Variants in VMA22 observed in about 807,000 individuals in gnomAD.
The protein encoded by VMA22 is vacuolar ATPase assembly protein VMA22.
At chr2:130,341,352 A>G in the VMA22 span, 4 of 537,726 alleles carry the variant, frequency 7.4e-6, no homozygotes, top group Admixed American at 1.4e-4. Flanking sequence ...CCAACTCCCC[A>G]TTCTTTGTCT....
At chr2:130,339,687 T>G in the VMA22 span, 3 of 1,304,494 alleles carry the variant, frequency 2.3e-6, no homozygotes, top group Admixed American at 2.3e-5. Flanking sequence ...TTCGGCCTCC[T>G]GTTCAGCAGC....
chr2:130,339,682 C>T, the VMA22 span: 7 of 1,304,394 alleles, frequency 5.4e-6, no homozygotes, highest in African/African-American at 9.1e-5. Context: ...TCGTCTTCGG[C>T]CTCCTGTTCA....
At chr2:130,342,035 A>C in the VMA22 span, 1 of 1,613,800 alleles carries the variant, frequency 6.2e-7, no homozygotes, top group Non-Finnish European at 8.5e-7. Context: ...CGGGCGTTCA[A>C]CACCGTTCGT....
chr2:130,339,918 C>CATAGCACTGGTGTT, the VMA22 span: 3 of 981,612 alleles, frequency 3.1e-6, no homozygotes, highest in Non-Finnish European at 4.0e-6. Flanking sequence ...AACACCAGTG[C>CATAGCACTGGTGTT]TATGCAGTGG....
chr2:130,339,825 C>T, the VMA22 span: 1 of 1,289,312 alleles, frequency 7.8e-7, no homozygotes, highest in South Asian at 1.3e-5. Flanking sequence ...CCCTCACCTC[C>T]CGTCCATACT....
the VMA22 span, chr2:130,338,454 C>T: frequency 6.6e-6 from 1 of 152,110 alleles, no homozygotes; most frequent in African/African-American, 2.4e-5. Context: ...GATCAACAAC[C>T]CAGTAGAAAA....
chr2:130,339,281 G>A, the VMA22 span: 9 of 1,502,332 alleles, frequency 6.0e-6, no homozygotes, highest in Admixed American at 1.8e-5. Flanking sequence ...TGTAACACAC[G>A]ACCCAGGAGG....
At chr2:130,342,177 T>C in the VMA22 span, 1 of 1,600,502 alleles carries the variant, frequency 6.2e-7, no homozygotes, top group Admixed American at 1.7e-5. Context: ...CCTCCGCAGT[T>C]TGGCAGGACA....
At chr2:130,340,241 C>T in the VMA22 span, 3 of 165,054 alleles carry the variant, frequency 1.8e-5, no homozygotes, top group South Asian at 1.5e-4. Flanking sequence ...CCTCCAGTGA[C>T]GCTATCTGCT....
chr2:130,341,148 G>C, the VMA22 span: 3 of 1,352,406 alleles, frequency 2.2e-6, no homozygotes, highest in Non-Finnish European at 2.0e-6. Context: ...AACACTGTTG[G>C]TTGGAAAATT....
the VMA22 span, chr2:130,341,007 G>T: frequency 6.2e-7 from 1 of 1,612,328 alleles, no homozygotes; most frequent in Non-Finnish European, 8.5e-7. Flanking sequence ...TCCGGTTCTG[G>T]GGTCTTAGTG....
At chr2:130,342,126 G>C in the VMA22 span, 10 of 1,613,494 alleles carry the variant, frequency 6.2e-6, no homozygotes, top group Non-Finnish European at 8.5e-6. Context: ...GCGCCGCCAT[G>C]GACACACCTC....
At chr2:130,339,377 T>C in the VMA22 span, 6 of 1,366,032 alleles carry the variant, frequency 4.4e-6, no homozygotes, top group South Asian at 1.5e-5. Context: ...CGGCCCTGCA[T>C]TGGCTGCTCC....
At chr2:130,341,657 G>GCTCTGCAGAA in the VMA22 span, 2 of 1,606,900 alleles carry the variant, frequency 1.2e-6, no homozygotes, top group Non-Finnish European at 1.7e-6. Context: ...AGAAGGAAGA[G>GCTCTGCAGAA]GGGGCTCACC....
the VMA22 span, chr2:130,341,827 G>A: frequency 2.0e-6 from 1 of 506,378 alleles, no homozygotes; most frequent in South Asian, 1.5e-5. Flanking sequence ...AGCCCAGCAT[G>A]GAAGCTTCCT....
At chr2:130,339,918 C>CATAGCACTGGTGTTTAAA in the VMA22 span, 1 of 981,624 alleles carries the variant, frequency 1.0e-6, no homozygotes, top group Non-Finnish European at 1.3e-6. Context: ...AACACCAGTG[C>CATAGCACTGGTGTTTAAA]TATGCAGTGG....
At chr2:130,339,126 A>T in the VMA22 span, 1 of 1,613,528 alleles carries the variant, frequency 6.2e-7, no homozygotes, top group Non-Finnish European at 8.5e-7. Flanking sequence ...CATGTCAGGC[A>T]GCCCCAGGCT....
the VMA22 span, chr2:130,342,271 G>C: frequency 6.7e-7 from 1 of 1,493,152 alleles, no homozygotes; most frequent in Admixed American, 2.1e-5. Flanking sequence ...CTCTGGGTCA[G>C]CTTCTTTAAG....
At chr2:130,342,591 T>C in the VMA22 span, 1 of 463,338 alleles carries the variant, frequency 2.2e-6, no homozygotes, top group Non-Finnish European at 3.9e-6. Flanking sequence ...ATGATTGTTT[T>C]AGCGGTTCGT....
Sources: allele counts gnomAD v4.1 joint callset, GRCh38; gene constraint gnomAD v4.1.1; transcripts MANE v1.5; gene names NCBI Gene and HGNC (gene_info 2026-07-23, HGNC 2026-07-21).